The following SLC6A6 variants were observed in gnomAD, a reference collection of about 807,000 sequenced individuals.
The protein encoded by SLC6A6 is solute carrier family 6 member 6.
In SLC6A6, 16 loss-of-function variants were observed where a neutral mutation model predicts 68.8. The ratio of observed to expected loss-of-function variants is 0.23; its 90% CI spans 0.16 to 0.35. The LOEUF (loss-of-function observed/expected upper bound fraction) is 0.35. SLC6A6 is among the 10% of genes least tolerant of loss of function. SLC6A6 has a pLI of 1.00. For missense variants in SLC6A6, 474 were observed against 802.8 expected, an observed-to-expected ratio of 0.59 and a Z score of 4.95; for synonymous variants, 312 against 315.4, an observed-to-expected ratio of 0.99 and a Z score of 0.12.
At chr3:14,406,530 A>G (rs1035861829) in intron 1 of SLC6A6, among the ~76,000 whole-genome samples, 2 of 152,172 alleles carry the variant, frequency 1.3e-5, no homozygotes, top group Admixed American at 6.5e-5. Flanking sequence ...CTTTCTGTAA[A>G]CATGGGGGTG....
At position 14,450,480 on chromosome 3, in the gene SLC6A6, T is replaced by C. The variant is rs906760908; in HGVS notation, c.599+2664T>C. ...CAAAGAACCCTGGCTGCCAGCTTGG[T>C]ACTCACCTCCCACTCCAGCTCTCAC... On this transcript the variant is annotated intron_variant, in intron 5 of 14. Transcript: ENST00000622186. The surrounding 1 kb of genome is among the most constrained non-coding windows in gnomAD (Gnocchi z 4.1). 1.3e-5 allele frequency among the ~76,000 whole-genome samples: 2 copies of C among 152,174 alleles called. No homozygotes were observed. The highest frequency in any genetic ancestry group is 4.8e-5 in the African/African-American group (2 of 41,446).
At position 14,467,958 on chromosome 3, in the gene SLC6A6, C is replaced by T. The variant is rs1455722959; in HGVS notation, c.971+2C>T. ...CAAGTACAAGTATAACTCGTACAGG[C>T]AAGTGTTGCGCCGGCGGGCCTGGTG... On this transcript the variant is annotated splice_donor_variant, in intron 8 of 14. Transcript: ENST00000622186. LOFTEE classifies it low-confidence loss of function (GC_TO_GT_DONOR). The T allele has an allele frequency of 6.2e-7, 1 of 1,609,978 alleles. No homozygotes were observed. Among genetic ancestry groups the T allele is most frequent in the Non-Finnish European group, 8.5e-7 (1 of 1,176,484 alleles).
At chr3:14,431,550 G>A (rs1250035801) in intron 2 of SLC6A6, among the ~76,000 whole-genome samples, 1 of 152,192 alleles carries the variant, frequency 6.6e-6, no homozygotes, top group African/African-American at 2.4e-5. Flanking sequence ...CAAGCCAAGG[G>A]TGTTGGGGCT....
At chr3:14,412,702 G>A (rs1699276887) in intron 1 of SLC6A6, among the ~76,000 whole-genome samples, 1 of 152,182 alleles carries the variant, frequency 6.6e-6, no homozygotes, top group South Asian at 2.1e-4. Flanking sequence ...CCAAATCCCA[G>A]GCACTGTGGA....
At position 14,479,241 on chromosome 3, in the gene SLC6A6, T is replaced by G. The variant is rs1008069633; in HGVS notation, c.1551+56T>G. 14 of 1,049,158 alleles carry G rather than the reference T, an allele frequency of 1.3e-5. No individual in the cohort carries two copies. The East Asian group carries it at 3.3e-4, about 25-fold the overall frequency. The allele number at this position is 1,049,158 out of a possible 1,614,324, so 65.0% of individuals were successfully genotyped here. A position where few individuals can be genotyped will look rare whatever the true frequency, so the allele number is the denominator to read the frequency against. On this transcript the variant is annotated intron_variant, in intron 13 of 14. Transcript: ENST00000622186. ...GGCCTCTTCTCCCTGGGGCTTGACA[T>G]TTTCACCCGCTAAACCATCTTTCAT...
At chr3:14,419,682 G>A (rs1235749285) in intron 2 of SLC6A6, among the ~76,000 whole-genome samples, 1 of 152,120 alleles carries the variant, frequency 6.6e-6, no homozygotes, top group Admixed American at 6.5e-5. Flanking sequence ...ATTTTGGGGT[G>A]GGGGTGACCT....
chr3:14,438,124 C>T (rs556550546), intron 2 of SLC6A6, among the ~76,000 whole-genome samples: 10 of 151,370 alleles, frequency 6.6e-5, no homozygotes, highest in African/African-American at 2.4e-4. Flanking sequence ...GAATTACAGG[C>T]GTGAGCCACC....
At chr3:14,443,162 C>A (rs1700031373) in intron 2 of SLC6A6, among the ~76,000 whole-genome samples, 1 of 152,122 alleles carries the variant, frequency 6.6e-6, no homozygotes. Flanking sequence ...AAAAGAGGAG[C>A]CTCCATTTTT....
chr3:14,448,015 C>G, intron 5 of SLC6A6, 199 bp downstream of exon 5: 1 of 1,368,420 alleles, frequency 7.3e-7, no homozygotes, highest in Non-Finnish European at 9.6e-7. Flanking sequence ...GGCTGTTTGA[C>G]CTTAGGCAAG....
chr3:14,477,430 C>A lies in SLC6A6; in HGVS notation c.1347+88C>A. 7.5e-7 allele frequency: 1 copy of A among 1,342,138 alleles called. No individual in the cohort carries two copies. The highest frequency in any genetic ancestry group is 1.1e-6 in the Non-Finnish European group (1 of 950,716). 83.1% of individuals were successfully genotyped at this position (1,342,138 alleles called of 1,614,324 possible). A position where few individuals can be genotyped will look rare whatever the true frequency, so the allele number is the denominator to read the frequency against. On this transcript the variant is annotated intron_variant, in intron 11 of 14. Coordinates refer to ENST00000622186, the MANE Select transcript of SLC6A6 (RefSeq NM_003043.6). This position sits in a 1 kb window ranked among gnomAD's most constrained non-coding sequence, Gnocchi z 4.2. ...TGGAGGCAGCAGCTGGGTGAGAGGG[C>A]CAGGTAGGGGCTTCATCTCCCAGCC...
chr3:14,440,623 G>T lies in SLC6A6; in HGVS notation c.-11-3001G>T, dbSNP rs560216879. 1.6e-4 allele frequency among the ~76,000 whole-genome samples: 25 copies of T among 152,286 alleles called. 1 individual carries two copies. Among genetic ancestry groups the T allele is most frequent in the Admixed American group, 1.5e-3 (23 of 15,302 alleles). On this transcript the variant is annotated intron_variant, in intron 2 of 14. Coordinates refer to ENST00000622186, the MANE Select transcript of SLC6A6 (RefSeq NM_003043.6). ...GCTGCATTGAGAATAGATCAGGGGC[G>T]GGCAGAGTAGCAGCAGGGAGACCTG...
At chr3:14,449,397 G>C (rs945592696) in intron 5 of SLC6A6, among the ~76,000 whole-genome samples, 3 of 152,206 alleles carry the variant, frequency 2.0e-5, no homozygotes, top group African/African-American at 4.8e-5. Context: ...ACAAAGAAAG[G>C]CTGGCACTTC....
At chr3:14,451,234 G>T (rs1700245029) in intron 5 of SLC6A6, among the ~76,000 whole-genome samples, 2 of 152,224 alleles carry the variant, frequency 1.3e-5, no homozygotes, top group Admixed American at 6.5e-5. Flanking sequence ...TGCTCACTGG[G>T]TGCTGAATCT....
chr3:14,472,070 T>C lies in SLC6A6; in HGVS notation c.1097-135T>C. 1.6e-6 allele frequency: 1 copy of C among 628,754 alleles called. No individual in the cohort carries two copies. The highest frequency in any genetic ancestry group is 2.9e-6 in the Non-Finnish European group (1 of 348,846). The allele number at this position is 628,754 out of a possible 1,614,324, so 38.9% of individuals were successfully genotyped here. On this transcript the variant is annotated intron_variant, in intron 9 of 14. Coordinates refer to ENST00000622186, the MANE Select transcript of SLC6A6 (RefSeq NM_003043.6). The surrounding 1 kb of genome is among the most constrained non-coding windows in gnomAD (Gnocchi z 4.5). ...AAAGGCGAGACAGGCCTGGTCTCTT[T>C]CCCCAGGCCAGAGTTCAGACCTGGC...
chr3:14,460,334 C>A (rs894665449), intron 6 of SLC6A6, among the ~76,000 whole-genome samples: 1 of 151,654 alleles, frequency 6.6e-6, no homozygotes, highest in Non-Finnish European at 1.5e-5. Flanking sequence ...AATGGGGATG[C>A]GAGCTATGGG....
chr3:14,410,156 G>A lies in SLC6A6; in HGVS notation c.-53-6256G>A, dbSNP rs139733283. Among the ~76,000 whole-genome samples, 212 of 130,288 alleles carry A rather than the reference G, an allele frequency of 1.6e-3. 1 individual carries two copies. Among genetic ancestry groups the A allele is most frequent in the African/African-American group, 5.5e-3 (187 of 33,806 alleles). The allele number at this position is 130,288 out of a possible 152,430, so 85.5% of individuals were successfully genotyped here. A position where few individuals can be genotyped will look rare whatever the true frequency, so the allele number is the denominator to read the frequency against. ...CTCGCTACTGCCCTCCATCCTATGC[G>A]ACAGAGTGAGACTCCATCTCAAAAA... On this transcript the variant is annotated intron_variant, in intron 1 of 14. Coordinates refer to ENST00000622186, the MANE Select transcript of SLC6A6 (RefSeq NM_003043.6).
intron 1 of SLC6A6, among the ~76,000 whole-genome samples, chr3:14,409,991 G>T (rs1358060263): frequency 6.6e-6 from 1 of 152,128 alleles, no homozygotes; most frequent in Non-Finnish European, 1.5e-5. Context: ...TTCGAGACCA[G>T]CCTGGCCAAT....
chr3:14,477,410 G>T lies in SLC6A6; in HGVS notation c.1347+68G>T, dbSNP rs531478509. On this transcript the variant is annotated intron_variant, in intron 11 of 14. Coordinates refer to ENST00000622186, the MANE Select transcript of SLC6A6 (RefSeq NM_003043.6). This position sits in a 1 kb window ranked among gnomAD's most constrained non-coding sequence, Gnocchi z 4.2. ...TGCCCTCCTCAAGGCCATAGTGGAG[G>T]CAGCAGCTGGGTGAGAGGGCCAGGT... The T allele has an allele frequency of 6.5e-7, 1 of 1,526,872 alleles. No homozygotes were observed. Among genetic ancestry groups the T allele is most frequent in the East Asian group, 2.3e-5 (1 of 44,204 alleles). The allele number at this position is 1,526,872 out of a possible 1,614,324, so 94.6% of individuals were successfully genotyped here.
intron 5 of SLC6A6, among the ~76,000 whole-genome samples, chr3:14,453,436 G>A (rs1036693555): frequency 2.0e-5 from 3 of 152,232 alleles, no homozygotes; most frequent in African/African-American, 4.8e-5. Context: ...CCCCAGGGTG[G>A]CATCAGTAAA....
Sources: allele counts gnomAD v4.1 joint callset (sites outside exome capture counted in the v4.1 genomes callset), GRCh38; gene constraint gnomAD v4.1.1; non-coding constraint Gnocchi (gnomAD v3.1); transcripts MANE v1.5; gene names NCBI Gene and HGNC (gene_info 2026-07-23, HGNC 2026-07-21).